Variants in FRMD4A observed in about 807,000 individuals in gnomAD.
FRMD4A encodes the protein FERM domain-containing protein 4A.
A neutral mutation model predicts 129.1 loss-of-function variants in FRMD4A; 29 were observed. The ratio of observed to expected loss-of-function variants is 0.22; its 90% confidence interval spans 0.17 to 0.31. The LOEUF (loss-of-function observed/expected upper bound fraction) is 0.31. Among genes scored for constraint, FRMD4A ranks in the 10% least tolerant of loss-of-function variants. The probability of loss-of-function intolerance (pLI) is 1.00; values close to 1 mark genes in which losing one functional copy is unlikely to be tolerated. For missense variants in FRMD4A, 1,272 were observed against 1,375.8 expected, an observed-to-expected ratio of 0.92 and a Z score of 1.19; for synonymous variants, 634 against 571.6, an observed-to-expected ratio of 1.11 and a Z score of -1.56.
At chr10:13,679,472 T>TACACACACACACACACACACACAC (rs1169130994) in intron 15 of FRMD4A, among the ~76,000 whole-genome samples, 6 of 21,394 alleles carry the variant, frequency 2.8e-4, no homozygotes, top group African/African-American at 6.5e-4. Context: ...TATATATATA[T>TACACACACACACACACACACACAC]ATACACACAC....
At chr10:14,185,934 T>A (rs951545060) in intron 2 of FRMD4A, among the ~76,000 whole-genome samples, 2 of 152,116 alleles carry the variant, frequency 1.3e-5, no homozygotes, top group African/African-American at 4.8e-5. Flanking sequence ...AGATGGCAGC[T>A]GGAGCAGAAT....
chr10:14,208,337 C>G lies in FRMD4A; in HGVS notation c.45+121721G>C, dbSNP rs560849669. ...GTGTGTTGTTCAGGGTGCCAATGGCCCTGGGCTCCCCCAGGTCTCTGGGGA... is the reference window on the plus strand; with the variant it reads ...GTGTGTTGTTCAGGGTGCCAATGGCGCTGGGCTCCCCCAGGTCTCTGGGGA... On this transcript the variant is annotated intron_variant, in intron 2 of 24. Transcript: ENST00000357447. Among the ~76,000 whole-genome samples, 22 of 152,228 alleles carry G rather than the reference C, an allele frequency of 1.4e-4. No homozygotes were observed. In the South Asian group the frequency reaches 4.6e-3, roughly 32 times the overall value.
At chr10:14,012,702 T>C (rs995647192) in intron 2 of FRMD4A, among the ~76,000 whole-genome samples, 1 of 152,156 alleles carries the variant, frequency 6.6e-6, no homozygotes, top group Non-Finnish European at 1.5e-5. Flanking sequence ...GATGGAATCC[T>C]GGGTGCTGGC....
chr10:13,675,059 T>A lies in FRMD4A; in HGVS notation c.1118-15A>T. ...TTCCTGAGAACCTGTCGATAAACAG[T>A]GGGGTTACTTGGCCAGCTGACAGGG... On this transcript the variant is annotated splice_polypyrimidine_tract_variant and intron_variant, in intron 15 of 24. Transcript: ENST00000357447. The A allele has an allele frequency of 1.9e-6, 3 of 1,609,632 alleles. No homozygotes were observed. The highest frequency in any genetic ancestry group is 2.5e-6 in the Non-Finnish European group (3 of 1,179,480).
chr10:13,897,936 CAAAAA>C (rs36021849), intron 2 of FRMD4A, among the ~76,000 whole-genome samples: 1 of 72,348 alleles, frequency 1.4e-5, no homozygotes, highest in Non-Finnish European at 2.9e-5. Context: ...GACTCCGACT[CAAAAA>C]AAAAAAAAAA....
chr10:14,033,275 C>T (rs1833335123), intron 2 of FRMD4A, among the ~76,000 whole-genome samples: 1 of 150,412 alleles, frequency 6.6e-6, no homozygotes, highest in African/African-American at 2.5e-5. Flanking sequence ...CCACTGCACT[C>T]CAGACTGGCC....
At chr10:14,253,342 A>G (rs1400904429) in intron 2 of FRMD4A, among the ~76,000 whole-genome samples, 1 of 152,148 alleles carries the variant, frequency 6.6e-6, no homozygotes, top group Non-Finnish European at 1.5e-5. Context: ...TTATCCCCAT[A>G]TTTTGCCAGC....
intron 12 of FRMD4A, among the ~76,000 whole-genome samples, chr10:13,728,210 AT>A (rs994336725): frequency 1.6e-4 from 24 of 151,684 alleles, no homozygotes; most frequent in East Asian, 3.9e-4. Context: ...AGTTTTATTC[AT>A]TTTTTTTTAA....
intron 2 of FRMD4A, among the ~76,000 whole-genome samples, chr10:13,883,404 ACTT>A (rs1364888691): frequency 1.3e-5 from 2 of 152,102 alleles, no homozygotes; most frequent in Non-Finnish European, 2.9e-5. Context: ...AGGCAGGATA[ACTT>A]CTTGAACCTG....
At chr10:13,966,466 G>C (rs2095485907) in intron 2 of FRMD4A, among the ~76,000 whole-genome samples, 1 of 152,220 alleles carries the variant, frequency 6.6e-6, no homozygotes, top group Non-Finnish European at 1.5e-5. Context: ...TGGTTTGGGA[G>C]GGTAACGTGA....
At chr10:13,814,909 A>C (rs1463611856) in intron 3 of FRMD4A, among the ~76,000 whole-genome samples, 1 of 152,122 alleles carries the variant, frequency 6.6e-6, no homozygotes, top group East Asian at 1.9e-4. Context: ...CCCAGGAAGC[A>C]AACGTGATCT....
At chr10:14,161,862 G>T (rs1018002709) in intron 2 of FRMD4A, among the ~76,000 whole-genome samples, 5 of 152,060 alleles carry the variant, frequency 3.3e-5, no homozygotes, top group African/African-American at 1.2e-4. Flanking sequence ...CCCCCTAAAA[G>T]TCCTGATTTG....
At chr10:14,179,000 T>G (rs1424907824) in intron 2 of FRMD4A, among the ~76,000 whole-genome samples, 11 of 152,116 alleles carry the variant, frequency 7.2e-5, no homozygotes, top group Admixed American at 7.2e-4. Flanking sequence ...CATATTTTGA[T>G]GTCAAAAAAG....
chr10:14,107,314 G>C (rs564811053), intron 2 of FRMD4A, among the ~76,000 whole-genome samples: 8 of 152,096 alleles, frequency 5.3e-5, no homozygotes, highest in African/African-American at 1.9e-4. Context: ...CAATATACCT[G>C]TGTAACAAAC....
chr10:14,321,449 G>A (rs893516993), intron 2 of FRMD4A, among the ~76,000 whole-genome samples: 8 of 152,144 alleles, frequency 5.3e-5, no homozygotes, highest in African/African-American at 1.7e-4. Flanking sequence ...AAGTGCACAG[G>A]CTTAATCCTG....
At chr10:13,892,197 C>A (rs897444007) in intron 2 of FRMD4A, among the ~76,000 whole-genome samples, 1 of 152,104 alleles carries the variant, frequency 6.6e-6, no homozygotes, top group Non-Finnish European at 1.5e-5. Flanking sequence ...GGACCCCTGG[C>A]TCCCCCACAA....
intron 2 of FRMD4A, among the ~76,000 whole-genome samples, chr10:14,023,113 A>C (rs553677769): frequency 1.2e-3 from 182 of 152,150 alleles, no homozygotes; most frequent in African/African-American, 4.0e-3. Flanking sequence ...CATACTTCTC[A>C]TAAAGTCATG....
intron 2 of FRMD4A, among the ~76,000 whole-genome samples, chr10:14,111,446 T>A (rs1837896449): frequency 6.6e-6 from 1 of 152,124 alleles, no homozygotes; most frequent in Non-Finnish European, 1.5e-5. Context: ...CATTGGACAG[T>A]TATAAAATGC....
intron 2 of FRMD4A, among the ~76,000 whole-genome samples, chr10:14,232,991 A>G (rs1843686898): frequency 6.6e-6 from 1 of 152,220 alleles, no homozygotes; most frequent in Admixed American, 6.5e-5. Context: ...GTAGGAAAAA[A>G]AAATACAGAC....
Sources: gnomAD v4.1 joint callset for allele counts (sites outside exome capture counted in the v4.1 genomes callset) on GRCh38, gnomAD v4.1.1 for gene constraint, MANE v1.5 for transcripts, NCBI Gene and HGNC (gene_info 2026-07-23, HGNC 2026-07-21) for gene names.